Variants in PPARG observed in about 807,000 individuals in gnomAD.
PPARG encodes the protein peroxisome proliferator activated receptor gamma.
Under a neutral mutation model 39.2 loss-of-function variants are expected in PPARG, and 17 were observed. The ratio of observed to expected loss-of-function variants is 0.43; its 90% CI spans 0.30 to 0.65. The LOEUF is 0.65. PPARG is among the 30% of genes least tolerant of loss of function. The pLI is 0.13. For missense variants in PPARG, 406 were observed against 585.9 expected (o/e 0.69, Z 3.17); for synonymous variants, 223 against 215.7 (o/e 1.03, Z -0.30).
intron 2 of PPARG, among the ~76,000 whole-genome samples, chr3:12,335,248 A>G (rs1559497736): frequency 6.6e-6 from 1 of 152,208 alleles, no homozygotes; most frequent in Non-Finnish European, 1.5e-5. Context: ...AGTTGGTAGT[A>G]ATTCCAGAAT....
At chr3:12,360,523 A>G (rs1484913425) in intron 2 of PPARG, among the ~76,000 whole-genome samples, 1 of 150,066 alleles carries the variant, frequency 6.7e-6, no homozygotes, top group Admixed American at 6.7e-5. Context: ...TAGAGGAAAA[A>G]TGTCCAAATC....
rs748541732 is a variant in PPARG at position 12,417,057 on chromosome 3, T to C, written c.1083T>C (p.Phe361=). The C allele has an allele frequency of 1.2e-6, 2 of 1,613,414 alleles. No individual in the cohort carries two copies. Among genetic ancestry groups the C allele is most frequent in the African/African-American group, 1.3e-5 (1 of 74,978 alleles). ...LKSLRKPFGD[F]MEPKFEFAVK... is the part of the protein sequence containing the mutation. ...GCCTGCGAAAGCCTTTTGGTGACTT[T>C]ATGGAGCCCAAGTTTGAGTTTGCTG... The change falls in exon 7 of 8, where the codon TTT becomes TTC. Residue 361 remains phenylalanine, a synonymous_variant. Coordinates refer to ENST00000651735, the MANE Select transcript of PPARG (RefSeq NM_138711.6).
At chr3:12,374,137 T>C (rs1309989493) in intron 2 of PPARG, among the ~76,000 whole-genome samples, 1 of 152,170 alleles carries the variant, frequency 6.6e-6, no homozygotes, top group Non-Finnish European at 1.5e-5. Context: ...CCAGTGTTTC[T>C]CCTGCTTTTC....
intron 2 of PPARG, among the ~76,000 whole-genome samples, chr3:12,318,028 C>T (rs2047435532): frequency 6.6e-6 from 1 of 152,048 alleles, no homozygotes; most frequent in African/African-American, 2.4e-5. Flanking sequence ...GGCTGGAGTG[C>T]AGTGGTGCAA....
At chr3:12,423,482 G>T (rs2051330835) in intron 7 of PPARG, among the ~76,000 whole-genome samples, 1 of 152,176 alleles carries the variant, frequency 6.6e-6, no homozygotes. Context: ...AATGGAAAGG[G>T]TCGTCTTCTC....
intron 2 of PPARG, among the ~76,000 whole-genome samples, chr3:12,369,421 G>A (rs2049130623): frequency 6.6e-6 from 1 of 152,172 alleles, no homozygotes; most frequent in African/African-American, 2.4e-5. Flanking sequence ...GAGCCCGGGA[G>A]TTTGAGGCTA....
At chr3:12,365,851 ATTC>A (rs2048999568) in intron 2 of PPARG, among the ~76,000 whole-genome samples, 1 of 152,032 alleles carries the variant, frequency 6.6e-6, no homozygotes, top group Non-Finnish European at 1.5e-5. Context: ...CTTCGACTTT[ATTC>A]TTCTTCTTTA....
At chr3:12,398,541 G>T (rs929246722) in intron 5 of PPARG, among the ~76,000 whole-genome samples, 2 of 152,190 alleles carry the variant, frequency 1.3e-5, no homozygotes, top group African/African-American at 4.8e-5. Context: ...AAATTTCAGT[G>T]AAGAGAGAGC....
At chr3:12,379,539 C>T (rs2049545714) in intron 2 of PPARG, among the ~76,000 whole-genome samples, 165 bp from the exon 3 acceptor site, 1 of 152,170 alleles carries the variant, frequency 6.6e-6, no homozygotes, top group South Asian at 2.1e-4. Flanking sequence ...TATCATAAAA[C>T]AGCCTAGACA....
intron 1 of PPARG, among the ~76,000 whole-genome samples, chr3:12,307,735 G>A (rs976861050): frequency 6.6e-6 from 1 of 152,078 alleles, no homozygotes; most frequent in Non-Finnish European, 1.5e-5. Context: ...AAGGGAAGGA[G>A]TATATGAGAA....
At chr3:12,292,950 C>T (rs189924253) in intron 1 of PPARG, among the ~76,000 whole-genome samples, 13 of 152,276 alleles carry the variant, frequency 8.5e-5, no homozygotes, top group Admixed American at 6.5e-4. Flanking sequence ...TAAAAGGATG[C>T]AGAGGCGAAG....
rs549509155 is a variant in PPARG at position 12,292,175 on chromosome 3, T to G, written c.-83+3041T>G. ...ATTTTATTATCATTCAATTTAAAAT[T>G]GTATTTTCCATTCCCTGATGACTTT... On this transcript the variant is annotated intron_variant, in intron 1 of 7. Coordinates refer to ENST00000651735, the MANE Select transcript of PPARG (RefSeq NM_138711.6). Among the ~76,000 whole-genome samples the G allele has an allele frequency of 3.3e-5, 5 of 152,348 alleles. No individual in the cohort carries two copies. The South Asian group carries it at 1.0e-3, about 32-fold the overall frequency.
intron 2 of PPARG, among the ~76,000 whole-genome samples, chr3:12,370,364 C>G (rs986726362): frequency 1.4e-4 from 21 of 151,622 alleles, no homozygotes; most frequent in African/African-American, 5.1e-4. Flanking sequence ...GACAGTGTTC[C>G]TTTCTGTGTG....
At position 12,434,337 on chromosome 3, in the gene PPARG, T is replaced by C. The variant is rs2125324698; in HGVS notation, c.*192T>C. On this transcript the variant is annotated 3_prime_UTR_variant, in exon 8 of 8. Transcript: ENST00000651735. This position sits in a 1 kb window ranked among gnomAD's most constrained non-coding sequence, Gnocchi z 4.2. Reference sequence around the variant, plus strand: ...ACTTTTAATATTAAAAATTACCATATTATGAAATTGCTGATAGTATTTGAA... The same window carrying C: ...ACTTTTAATATTAAAAATTACCATACTATGAAATTGCTGATAGTATTTGAA... The C allele has an allele frequency of 1.3e-6, 1 of 758,564 alleles. No individual in the cohort carries two copies. Among genetic ancestry groups the C allele is most frequent in the Non-Finnish European group, 2.1e-6 (1 of 479,898 alleles). 47.0% of individuals were successfully genotyped at this position (758,564 alleles called of 1,614,324 possible). A position where few individuals can be genotyped will look rare whatever the true frequency, so the allele number is the denominator to read the frequency against.
intron 7 of PPARG, among the ~76,000 whole-genome samples, chr3:12,421,527 G>C (rs1188127076): frequency 1.3e-5 from 2 of 152,152 alleles, no homozygotes; most frequent in Non-Finnish European, 2.9e-5. Flanking sequence ...TTGCCCCCTT[G>C]AGTGTTTGCT....
chr3:12,314,304 A>G (rs1027295168), intron 2 of PPARG, among the ~76,000 whole-genome samples: 9 of 152,006 alleles, frequency 5.9e-5, no homozygotes, highest in African/African-American at 2.2e-4. Flanking sequence ...TAATTAATTA[A>G]TTGAGTGAAA....
rs192036978 is a variant in PPARG at position 12,366,149 on chromosome 3, T to C, written c.-8-13555T>C. On this transcript the variant is annotated intron_variant, in intron 2 of 7. Transcript: ENST00000651735. ...AATTTATACTTAAGTATTTTACTTT[T>C]CGGGGTGCTAATGTAAAACAAAACA... Among the ~76,000 whole-genome samples, 3 of 152,282 alleles carry C rather than the reference T, an allele frequency of 2.0e-5. No homozygotes were observed. The East Asian group carries it at 5.8e-4, about 29-fold the overall frequency.
chr3:12,306,691 C>T (rs953769888), intron 1 of PPARG, among the ~76,000 whole-genome samples: 1 of 152,222 alleles, frequency 6.6e-6, no homozygotes, highest in African/African-American at 2.4e-5. Flanking sequence ...CACTGCAAAT[C>T]AGCTTATGTG....
chr3:12,346,817 A>T (rs116822471), intron 2 of PPARG, among the ~76,000 whole-genome samples: 2,391 of 151,302 alleles, frequency 0.016, 30 homozygotes, highest in Middle Eastern at 0.041. Context: ...TTATTTTTTT[A>T]TAGAGGCAGG....
Sources: gnomAD v4.1 joint callset for allele counts (sites outside exome capture counted in the v4.1 genomes callset) on GRCh38, gnomAD v4.1.1 for gene constraint, Gnocchi (gnomAD v3.1) non-coding constraint, MANE v1.5 for transcripts, NCBI Gene and HGNC (gene_info 2026-07-23, HGNC 2026-07-21) for gene names.